PCLO: variants seen among roughly 807,000 people sequenced by gnomAD.
PCLO encodes the protein piccolo presynaptic cytomatrix protein, also known as protein piccolo.
Under a neutral mutation model 427.5 loss-of-function variants are expected in PCLO, and 82 were observed. That is an observed-to-expected ratio of 0.19 (90% CI 0.16 to 0.23). The LOEUF is 0.23. Ranked by LOEUF, PCLO falls within the 10% of genes least tolerant of loss-of-function variation. The probability of loss-of-function intolerance (pLI) is 1.00; values close to 1 mark genes in which losing one functional copy is unlikely to be tolerated. For synonymous variants in PCLO, 2,357 were observed against 2,155.4 expected (o/e 1.09, Z -2.59); for missense variants, 6,239 against 6,115.9 (o/e 1.02, Z -0.67).
chr7:82,828,052 T>A, intron 16 of PCLO, 86 bp from the exon 17 acceptor site: 1 of 723,144 alleles, frequency 1.4e-6, no homozygotes, highest in South Asian at 1.6e-5. Context: ...TGCAGACTAT[T>A]CAAGATATTT....
intron 3 of PCLO, among the ~76,000 whole-genome samples, chr7:83,119,489 A>G (rs966321769): frequency 6.6e-6 from 1 of 152,082 alleles, no homozygotes; most frequent in Non-Finnish European, 1.5e-5. Context: ...GCAGATAAAA[A>G]TGCAGTGACC....
chr7:83,072,259 T>C (rs1177171382), intron 3 of PCLO, among the ~76,000 whole-genome samples: 4 of 152,056 alleles, frequency 2.6e-5, no homozygotes, highest in African/African-American at 9.7e-5. Flanking sequence ...TGAAAACCAC[T>C]TAAGTATTTT....
At chr7:83,131,789 C>A (rs893190353) in intron 3 of PCLO, among the ~76,000 whole-genome samples, 1 of 151,784 alleles carries the variant, frequency 6.6e-6, no homozygotes, top group African/African-American at 2.4e-5. Context: ...CATAGACACA[C>A]AACAAAGATC....
At chr7:83,057,231 G>C (rs1055538630) in intron 3 of PCLO, among the ~76,000 whole-genome samples, 6 of 139,286 alleles carry the variant, frequency 4.3e-5, no homozygotes, top group Admixed American at 3.8e-4. Context: ...TTCTAGTAGA[G>C]ACAGGGGTCT....
intron 3 of PCLO, among the ~76,000 whole-genome samples, chr7:83,098,754 A>C (rs1790659058): frequency 6.6e-6 from 1 of 152,122 alleles, no homozygotes; most frequent in African/African-American, 2.4e-5. Flanking sequence ...CTCAAGGGGA[A>C]ACCTCTCATG....
At chr7:82,958,264 C>T (rs1051176455) in intron 4 of PCLO, among the ~76,000 whole-genome samples, 1 of 151,920 alleles carries the variant, frequency 6.6e-6, no homozygotes, top group African/African-American at 2.4e-5. Flanking sequence ...TACGGTTGCA[C>T]AACAAACATA....
chr7:82,783,271 G>T (rs539122955), intron 22 of PCLO, among the ~76,000 whole-genome samples: 1 of 152,320 alleles, frequency 6.6e-6, no homozygotes, highest in South Asian at 2.1e-4. Flanking sequence ...TCTCTTACCA[G>T]TGAAAATACT....
At chr7:82,826,778 ACTTAAAATTTTAC>A in intron 17 of PCLO, 118 bp from the exon 18 acceptor site, 2 of 503,314 alleles carry the variant, frequency 4.0e-6, no homozygotes, top group Non-Finnish European at 6.7e-6. Flanking sequence ...ATGTGAAAAT[ACTTAAAATTTTAC>A]CGAAAACTAT....
At chr7:82,796,575 T>C (rs1353032651) in intron 22 of PCLO, among the ~76,000 whole-genome samples, 1 of 152,054 alleles carries the variant, frequency 6.6e-6, no homozygotes, top group African/African-American at 2.4e-5. Context: ...CCATCACTTC[T>C]ACAGATGCTG....
chr7:82,953,939 G>A lies in PCLO; in HGVS notation c.7014C>T (p.Thr2338=), dbSNP rs746500435. 1.9e-5 allele frequency: 31 copies of A among 1,613,698 alleles called. No homozygotes were observed. Among genetic ancestry groups the A allele is most frequent in the East Asian group, 1.8e-4 (8 of 44,876 alleles). ...AERTKSSLSE[T]VFDHPPSSVI... is the part of the protein sequence containing the mutation. ...CAGAAGAAGGTGGGTGATCAAACACGGTTTCGGATAAGCTACTTTTTGTTC... is the reference window on the plus strand; with the variant it reads ...CAGAAGAAGGTGGGTGATCAAACACAGTTTCGGATAAGCTACTTTTTGTTC... Residue 2338 remains threonine, a synonymous_variant, in exon 5 of 25, where the codon ACC becomes ACT. Transcript: ENST00000333891.
At chr7:83,006,784 T>C (rs1787956875) in intron 3 of PCLO, among the ~76,000 whole-genome samples, 2 of 151,510 alleles carry the variant, frequency 1.3e-5, no homozygotes, top group South Asian at 2.1e-4. Flanking sequence ...ACTTGTTACC[T>C]ACCCCTTCCT....
chr7:82,952,682 C>G lies in PCLO; in HGVS notation c.8271G>C (p.Gln2757His). The G allele has an allele frequency of 6.2e-7, 1 of 1,613,888 alleles. No homozygotes were observed. The highest frequency in any genetic ancestry group is 1.3e-5 in the African/African-American group (1 of 75,042). The change falls in exon 5 of 25, where the codon CAG becomes CAC. Residue 2757 changes from glutamine (Q) to histidine (H), a missense_variant. Gln to His is a conservative substitution (Grantham distance 24). Transcript: ENST00000333891. ...TCCCATAAACTTCATTTGCTGTGAT[C>G]TGCCTTTTCACATCCATTGTAGAAG... ...LSASTMDVKR[Q>H]ITANEVYGKQ...
intron 3 of PCLO, among the ~76,000 whole-genome samples, chr7:83,069,789 A>AC (rs1229421075): frequency 4.5e-5 from 2 of 44,248 alleles, no homozygotes; most frequent in South Asian, 1.2e-3. Flanking sequence ...CCCCCACCCC[A>AC]CCCCCCCGCC....
intron 6 of PCLO, among the ~76,000 whole-genome samples, chr7:82,938,878 T>C (rs1795016108): frequency 2.0e-5 from 3 of 152,046 alleles, no homozygotes; most frequent in African/African-American, 7.2e-5. Context: ...AGAAAATGTG[T>C]TAAATAGCTG....
At chr7:82,883,741 C>G (rs937968350) in intron 9 of PCLO, among the ~76,000 whole-genome samples, 2 of 152,014 alleles carry the variant, frequency 1.3e-5, no homozygotes, top group African/African-American at 4.8e-5. Context: ...AATTGCTGTT[C>G]AGCATCCTTT....
At chr7:82,859,300 T>A (rs573484866) in intron 10 of PCLO, among the ~76,000 whole-genome samples, 38 of 152,254 alleles carry the variant, frequency 2.5e-4, no homozygotes, top group African/African-American at 9.1e-4. Context: ...TTGGGCAAGA[T>A]CCAGTGCTGT....
At chr7:83,058,965 C>T (rs895547698) in intron 3 of PCLO, among the ~76,000 whole-genome samples, 4 of 151,974 alleles carry the variant, frequency 2.6e-5, no homozygotes, top group African/African-American at 4.8e-5. Flanking sequence ...CTCCCCCCTC[C>T]TTAAAAGGAA....
chr7:83,017,086 G>A (rs938111193), intron 3 of PCLO, among the ~76,000 whole-genome samples: 1 of 152,000 alleles, frequency 6.6e-6, no homozygotes, highest in African/African-American at 2.4e-5. Flanking sequence ...AAGAAAAATA[G>A]ACCTCAAAAA....
At chr7:83,137,104 C>T (rs186153737) in intron 2 of PCLO, among the ~76,000 whole-genome samples, 1 of 152,064 alleles carries the variant, frequency 6.6e-6, no homozygotes, top group East Asian at 1.9e-4. Flanking sequence ...GCACAGGCAC[C>T]AGACAAATTT....
Sources: gnomAD v4.1 joint callset for allele counts (sites outside exome capture counted in the v4.1 genomes callset) on GRCh38, gnomAD v4.1.1 for gene constraint, MANE v1.5 for transcripts, NCBI Gene and HGNC (gene_info 2026-07-23, HGNC 2026-07-21) for gene names.